The following SCNN1G variants were observed in gnomAD, a reference collection of about 807,000 sequenced individuals.
SCNN1G encodes the protein sodium channel epithelial 1 subunit gamma, also known as epithelial sodium channel subunit gamma.
SCNN1G carries 27 observed loss-of-function variants against 64.6 expected under a neutral mutation model. The observed-to-expected ratio is 0.42, with a 90% CI of 0.31 to 0.58. SCNN1G has a LOEUF of 0.58. SCNN1G is among the 20% of genes least tolerant of loss of function. SCNN1G has a pLI of 0.18. For missense variants in SCNN1G, 743 were observed against 823.4 expected (o/e 0.90, Z 1.19); for synonymous variants, 330 against 314.2 (o/e 1.05, Z -0.53).
At chr16:23,203,304 G>A (rs2141938669) in intron 6 of SCNN1G, among the ~76,000 whole-genome samples, 1 of 152,316 alleles carries the variant, frequency 6.6e-6, no homozygotes, top group East Asian at 1.9e-4. Context: ...GTCGAATGGT[G>A]AATGGAAAAT....
chr16:23,197,577 A>G lies in SCNN1G; in HGVS notation c.1077+150A>G, dbSNP rs372589688. ...TTCCCATGGTTATCCCATTCATTTC[A>G]GGAGTTACATTAAAGGTTGTGTTTG... On this transcript the variant is annotated intron_variant, in intron 6 of 12. Transcript: ENST00000300061. 2.1e-5 allele frequency: 16 copies of G among 754,908 alleles called. No homozygotes were observed. The East Asian group carries it at 4.0e-4, about 19-fold the overall frequency. 46.8% of individuals were successfully genotyped at this position (754,908 alleles called of 1,614,324 possible). A position where few individuals can be genotyped will look rare whatever the true frequency, so the allele number is the denominator to read the frequency against.
Position 23,189,676 on chromosome 16 carries a change from G to T in SCNN1G, c.618+5G>T. On this transcript the variant is annotated splice_donor_5th_base_variant and intron_variant, in intron 3 of 12. Transcript: ENST00000300061. ...CAAGTGGTGGGATTCCAACTGGTAA[G>T]ATTTCACCTTCTCATTCTTTCACTG... 1 of 1,613,916 alleles carries T rather than the reference G, an allele frequency of 6.2e-7. No homozygotes were observed. Among genetic ancestry groups the T allele is most frequent in the Non-Finnish European group, 8.5e-7 (1 of 1,179,754 alleles).
chr16:23,188,603 G>A (rs1465582850), intron 2 of SCNN1G, among the ~76,000 whole-genome samples: 1 of 152,152 alleles, frequency 6.6e-6, no homozygotes, highest in African/African-American at 2.4e-5. Context: ...AACCTTCCCA[G>A]CAAATCCCGT....
At chr16:23,190,527 T>C (rs1395219124) in intron 3 of SCNN1G, among the ~76,000 whole-genome samples, 1 of 152,158 alleles carries the variant, frequency 6.6e-6, no homozygotes, top group Non-Finnish European at 1.5e-5. Context: ...GCATCAAATA[T>C]GTTCAGTTTT....
intron 3 of SCNN1G, among the ~76,000 whole-genome samples, chr16:23,190,814 T>C (rs1189688474): frequency 6.6e-6 from 1 of 150,994 alleles, no homozygotes; most frequent in African/African-American, 2.4e-5. Context: ...TTTTCCCTTT[T>C]GGTCCCATTT....
chr16:23,214,704 T>C lies in SCNN1G; in HGVS notation c.1494-8T>C. 6.2e-7 allele frequency: 1 copy of C among 1,612,388 alleles called. No individual in the cohort carries two copies. Among genetic ancestry groups the C allele is most frequent in the Non-Finnish European group, 8.5e-7 (1 of 1,178,450 alleles). ...AAGGCTCTTGATTCACCTGTTGGAATTTTGCAGGACAGACTTGGCCAAACT... is the reference window on the plus strand; with the variant it reads ...AAGGCTCTTGATTCACCTGTTGGAACTTTGCAGGACAGACTTGGCCAAACT... On this transcript the variant is annotated splice_polypyrimidine_tract_variant and splice_region_variant and intron_variant, in intron 11 of 12. Transcript: ENST00000300061.
intron 6 of SCNN1G, among the ~76,000 whole-genome samples, chr16:23,206,825 G>A (rs950522195): frequency 2.0e-5 from 3 of 152,078 alleles, no homozygotes; most frequent in Admixed American, 6.5e-5. Context: ...ACATGCATAA[G>A]TGTATGCATA....
At chr16:23,203,587 A>G (rs572004237) in intron 6 of SCNN1G, among the ~76,000 whole-genome samples, 1 of 151,634 alleles carries the variant, frequency 6.6e-6, no homozygotes, top group African/African-American at 2.4e-5. Flanking sequence ...TGGCTAATAC[A>G]GTGAAACCCT....
chr16:23,190,781 A>T (rs1249665220), intron 3 of SCNN1G, among the ~76,000 whole-genome samples: 1 of 148,938 alleles, frequency 6.7e-6, no homozygotes, highest in Non-Finnish European at 1.5e-5. Context: ...ACTTGCCTTC[A>T]TGAGGTGCTT....
At chr16:23,187,921 T>A (rs1398973860) in intron 2 of SCNN1G, among the ~76,000 whole-genome samples, 1 of 152,142 alleles carries the variant, frequency 6.6e-6, no homozygotes, top group African/African-American at 2.4e-5. Context: ...TTGTCCAGAA[T>A]CGTCAGTGAG....
intron 11 of SCNN1G, among the ~76,000 whole-genome samples, chr16:23,214,084 G>A (rs1960122342): frequency 6.6e-6 from 1 of 152,214 alleles, no homozygotes; most frequent in Admixed American, 6.5e-5. Context: ...TAGTGCAATG[G>A]TTAAGAGCAT....
intron 6 of SCNN1G, among the ~76,000 whole-genome samples, chr16:23,208,339 C>T (rs1442884413): frequency 6.6e-6 from 1 of 151,826 alleles, no homozygotes; most frequent in African/African-American, 2.4e-5. Flanking sequence ...AGAGTGAGAC[C>T]CTCATCTCTA....
intron 6 of SCNN1G, among the ~76,000 whole-genome samples, chr16:23,209,028 A>C (rs1383632807): frequency 6.6e-6 from 1 of 152,038 alleles, no homozygotes; most frequent in Non-Finnish European, 1.5e-5. Context: ...TCCCCATCTG[A>C]CTTTATCTCC....
intron 7 of SCNN1G, among the ~76,000 whole-genome samples, chr16:23,210,418 T>G (rs1297828903): frequency 1.3e-5 from 2 of 152,220 alleles, no homozygotes; most frequent in Non-Finnish European, 2.9e-5. Flanking sequence ...TGAGCCCATA[T>G]TTCCTGCAGG....
At chr16:23,209,543 T>A (rs1960045287) in intron 6 of SCNN1G, among the ~76,000 whole-genome samples, 1 of 152,176 alleles carries the variant, frequency 6.6e-6, no homozygotes, top group Non-Finnish European at 1.5e-5. Flanking sequence ...GCAGGGAACT[T>A]ATCTATCTTG....
Position 23,216,380 on chromosome 16 carries a change from C to T in SCNN1G, c.*911C>T, listed in dbSNP as rs1344480646. The T allele has an allele frequency of 6.6e-6, 1 of 152,170 alleles. No individual in the cohort carries two copies. The highest frequency in any genetic ancestry group is 1.5e-5 in the Non-Finnish European group (1 of 68,060). 9.4% of individuals were successfully genotyped at this position (152,170 alleles called of 1,614,324 possible). On this transcript the variant is annotated 3_prime_UTR_variant, in exon 13 of 13. Transcript: ENST00000300061. The stretch of plus-strand genomic sequence containing the variant: ...CAGCTGTTCCAAGACAGAGCTGACC[C>T]TTCCATTACCAATGGCCTGTCCCTC...
chr16:23,215,398 T>C lies in SCNN1G; in HGVS notation c.1879T>C (p.Tyr627His). ...AGTGCCCGGCACACCGCCCCCCAAA[T>C]ACAATACCTTGCGCTTGGAGAGGGC... ...TQVPGTPPPK[Y>H]NTLRLERAFS... is the part of the protein sequence containing the mutation. Residue 627 changes from tyrosine to histidine, a missense_variant, in exon 13 of 13, where the codon TAC becomes CAC. Physicochemically the swap from Tyr to His is moderately conservative, Grantham distance 83 (BLOSUM62 2). Transcript: ENST00000300061. The C allele has an allele frequency of 6.2e-7, 1 of 1,614,000 alleles. No homozygotes were observed. Among genetic ancestry groups the C allele is most frequent in the Non-Finnish European group, 8.5e-7 (1 of 1,179,996 alleles).
At chr16:23,196,993 A>G (rs1445523285) in intron 5 of SCNN1G, among the ~76,000 whole-genome samples, 1 of 152,178 alleles carries the variant, frequency 6.6e-6, no homozygotes, top group Non-Finnish European at 1.5e-5. Context: ...CAATTTCCTT[A>G]CACTTGGCAA....
intron 12 of SCNN1G, 28 bp downstream of exon 12, chr16:23,214,815 C>A (rs1230629862): frequency 2.6e-6 from 4 of 1,533,838 alleles, no homozygotes; most frequent in Non-Finnish European, 3.6e-6. Context: ...CTTCCAGGAC[C>A]TGTCCTGGGC....
Sources: allele counts gnomAD v4.1 joint callset (sites outside exome capture counted in the v4.1 genomes callset), GRCh38; gene constraint gnomAD v4.1.1; transcripts MANE v1.5; gene names NCBI Gene and HGNC (gene_info 2026-07-23, HGNC 2026-07-21).